DENND2D: variants seen among roughly 807,000 people sequenced by gnomAD.
DENND2D encodes DENN domain-containing protein 2D.
Under a neutral mutation model 59.8 loss-of-function variants are expected in DENND2D, and 37 were observed. That is an observed-to-expected ratio of 0.62 (90% CI 0.48 to 0.81). The LOEUF (loss-of-function observed/expected upper bound fraction) is 0.81, where lower values mean the gene tolerates loss of function less well. Among genes scored for constraint, DENND2D ranks in the 40% least tolerant of loss-of-function variants. The pLI is 0.00. For missense variants in DENND2D, 525 were observed against 579.7 expected, an observed-to-expected ratio of 0.91 and a Z score of 0.97; for synonymous variants, 219 against 211.3, an observed-to-expected ratio of 1.04 and a Z score of -0.31.
At chr1:111,191,392 G>C (rs943632645) in intron 8 of DENND2D, among the ~76,000 whole-genome samples, 2 of 152,210 alleles carry the variant, frequency 1.3e-5, no homozygotes, top group African/African-American at 2.4e-5. Context: ...GGCCAGGGCA[G>C]ACATTCCCAA....
chr1:111,201,835 T>G (rs889209247), upstream of DENND2D, among the ~76,000 whole-genome samples: 11 of 152,284 alleles, frequency 7.2e-5, no homozygotes, highest in African/African-American at 2.4e-4. Context: ...GCCAAACTCA[T>G]GTACAGTAAA....
intron 8 of DENND2D, among the ~76,000 whole-genome samples, chr1:111,190,563 T>A (rs752537675): frequency 3.3e-5 from 5 of 152,244 alleles, no homozygotes; most frequent in Non-Finnish European, 7.3e-5. Context: ...GGGTCCACAT[T>A]TCTAAAGGAC....
rs530064598 is a variant in DENND2D at position 111,188,589 on chromosome 1, T to C, written c.1099+113A>G. 1.5e-3 allele frequency: 1,852 copies of C among 1,211,926 alleles called. 13 individuals carry two copies. Among genetic ancestry groups the C allele is most frequent in the South Asian group, 0.01 (746 of 72,480 alleles). The allele number at this position is 1,211,926 out of a possible 1,614,324, so 75.1% of individuals were successfully genotyped here. On this transcript the variant is annotated intron_variant, in intron 10 of 11. Transcript: ENST00000357640. ...TCAGACTTGCCCTAGGTTCTAGGCC[T>C]CTAGGGCTGGTCTAGGACTACTGAA...
In DENND2D at chr1:111,198,725, C is replaced by T. The variant is rs1658499727; in HGVS notation, c.261G>A (p.Arg87=). The change falls in exon 3 of 12, where the codon CGG becomes CGA. Residue 87 remains arginine (R), a synonymous_variant. Transcript: ENST00000357640. ...YQFPKRENLL[R]GQQEEEERLL... ...GCCGCTCCTCCTCCTCCTGCTGACC[C>T]CGAAGCAGGTTCTCCCGCTATAAGG... The T allele has an allele frequency of 6.2e-7, 1 of 1,614,156 alleles. No homozygotes were observed.
At chr1:111,194,476 C>T in intron 7 of DENND2D, 102 bp downstream of exon 7, 1 of 1,350,516 alleles carries the variant, frequency 7.4e-7, no homozygotes, top group Non-Finnish European at 1.0e-6. Flanking sequence ...AGGGTGGGCG[C>T]ATGGACCCTA....
chr1:111,199,966 G>T, intron 1 of DENND2D, 168 bp from the exon 2 acceptor site: 1 of 800,442 alleles, frequency 1.2e-6, no homozygotes. Flanking sequence ...CAAATGGGCA[G>T]TTTCCACACC....
chr1:111,202,409 T>C (rs1658895482), upstream of DENND2D: 1 of 152,196 alleles, frequency 6.6e-6, no homozygotes, highest in South Asian at 2.1e-4. Context: ...ATCAAACTCA[T>C]GTTTCATATA....
At chr1:111,197,403 TC>T in intron 4 of DENND2D, 150 bp from the exon 5 acceptor site, 1 of 1,457,646 alleles carries the variant, frequency 6.9e-7, no homozygotes. Context: ...GCCACCAGCA[TC>T]AAAAGAAGAA....
At position 111,200,550 on chromosome 1, in the gene DENND2D, C is replaced by T; in HGVS notation, c.-91G>A. ...CCTGAGAAAGGGGCTGCTTCGGTCT[C>T]CAGCCACAACTCTGTGAAGCCAAGC... On this transcript the variant is annotated 5_prime_UTR_variant, in exon 1 of 12. Transcript: ENST00000357640. The T allele has an allele frequency of 6.5e-7, 1 of 1,531,130 alleles. No homozygotes were observed. Among genetic ancestry groups the T allele is most frequent in the Non-Finnish European group, 8.8e-7 (1 of 1,135,098 alleles). 94.8% of individuals were successfully genotyped at this position (1,531,130 alleles called of 1,614,324 possible).
chr1:111,197,367 G>A (rs1206194049), intron 4 of DENND2D, 114 bp from the exon 5 acceptor site: 3 of 1,515,524 alleles, frequency 2.0e-6, no homozygotes, highest in Non-Finnish European at 2.6e-6. Context: ...ATGGGGAATG[G>A]TGGGTGCAGC....
At position 111,188,691 on chromosome 1, in the gene DENND2D, T is replaced by C. The variant is rs771440686; in HGVS notation, c.1099+11A>G. ...TGCCTGGAGAGACCCAAAATAAGAG[T>C]AAGGACTTACTCTTTAACTCATTGA... On this transcript the variant is annotated intron_variant, in intron 10 of 11. Transcript: ENST00000357640. 4.8e-5 allele frequency: 78 copies of C among 1,610,272 alleles called. No individual in the cohort carries two copies. Among genetic ancestry groups the C allele is most frequent in the Non-Finnish European group, 6.4e-5 (75 of 1,176,994 alleles).
chr1:111,202,720 C>CACACACACACACACACAT (rs1325806213), upstream of DENND2D, among the ~76,000 whole-genome samples: 4 of 151,788 alleles, frequency 2.6e-5, no homozygotes, highest in African/African-American at 9.7e-5. Flanking sequence ...CACACACACA[C>CACACACACACACACACAT]ACACACTCCC....
intron 3 of DENND2D, among the ~76,000 whole-genome samples, chr1:111,198,241 G>C (rs1223462918): frequency 1.3e-5 from 2 of 152,158 alleles, no homozygotes; most frequent in Non-Finnish European, 2.9e-5. Flanking sequence ...TCTTATTCAA[G>C]GTCACTCAAC....
chr1:111,197,575 C>A, intron 4 of DENND2D: 1 of 1,355,278 alleles, frequency 7.4e-7, no homozygotes, highest in African/African-American at 1.5e-5. Flanking sequence ...CTCCTGAGAC[C>A]TAAGATTTGA....
upstream of DENND2D, among the ~76,000 whole-genome samples, chr1:111,203,520 G>T (rs1659006740): frequency 6.6e-6 from 1 of 152,248 alleles, no homozygotes; most frequent in African/African-American, 2.4e-5. Context: ...ATAAATGAAT[G>T]AATTTCTAAC....
At chr1:111,188,885 C>G (rs959075190) in intron 9 of DENND2D, 99 bp from the exon 10 acceptor site, 1 of 1,005,310 alleles carries the variant, frequency 9.9e-7, no homozygotes, top group African/African-American at 1.6e-5. Flanking sequence ...TACACCCCCA[C>G]TCCACCCGCA....
intron 2 of DENND2D, 120 bp downstream of exon 2, chr1:111,199,503 T>C: frequency 1.7e-6 from 2 of 1,150,224 alleles, no homozygotes; most frequent in Non-Finnish European, 2.5e-6. Flanking sequence ...AGCTCAGAGC[T>C]CAGGGCAGCT....
chr1:111,196,144 A>G lies in DENND2D; in HGVS notation c.505-88T>C, dbSNP rs1050339132. 3.4e-6 allele frequency: 5 copies of G among 1,479,962 alleles called. No homozygotes were observed. In the African/African-American group the frequency reaches 4.2e-5, roughly 12 times the overall value. The allele number at this position is 1,479,962 out of a possible 1,614,324, so 91.7% of individuals were successfully genotyped here. A position where few individuals can be genotyped will look rare whatever the true frequency, so the allele number is the denominator to read the frequency against. On this transcript the variant is annotated intron_variant, in intron 5 of 11. Coordinates refer to ENST00000357640, the MANE Select transcript of DENND2D (RefSeq NM_024901.5). ...ACTCTACTTGCCCCTGAGCGTCATAATGTTCTCATACTGGTTCAGCTGATC... is the reference window on the plus strand; with the variant it reads ...ACTCTACTTGCCCCTGAGCGTCATAGTGTTCTCATACTGGTTCAGCTGATC...
intron 8 of DENND2D, among the ~76,000 whole-genome samples, chr1:111,191,444 G>C (rs1314697058): frequency 6.6e-6 from 1 of 152,114 alleles, no homozygotes; most frequent in Non-Finnish European, 1.5e-5. Flanking sequence ...ACTATCTTTT[G>C]AAAGTCCCTA....
Sources: gnomAD v4.1 joint callset for allele counts (sites outside exome capture counted in the v4.1 genomes callset) on GRCh38, gnomAD v4.1.1 for gene constraint, MANE v1.5 for transcripts, NCBI Gene and HGNC (gene_info 2026-07-23, HGNC 2026-07-21) for gene names.